The following NUP205 variants were observed in gnomAD, a reference collection of about 807,000 sequenced individuals.
NUP205 encodes the protein nucleoporin 205, also known as nuclear pore complex protein Nup205.
A neutral mutation model predicts 253.8 loss-of-function variants in NUP205; 76 were observed. The ratio of observed to expected loss-of-function variants is 0.30; its 90% CI spans 0.25 to 0.36. The LOEUF (loss-of-function observed/expected upper bound fraction) is 0.36. Among genes scored for constraint, NUP205 ranks in the 10% least tolerant of loss-of-function variants. The probability of loss-of-function intolerance (pLI) is 1.00; values close to 1 mark genes in which losing one functional copy is unlikely to be tolerated. For synonymous variants in NUP205, 832 were observed against 850.1 expected (o/e 0.98, Z 0.37); for missense variants, 2,162 against 2,425.5 (o/e 0.89, Z 2.28).
At chr7:135,602,698 T>G (rs1431752866) in intron 17 of NUP205, 107 bp from the exon 18 acceptor site, 1 of 872,420 alleles carries the variant, frequency 1.1e-6, no homozygotes, top group African/African-American at 1.7e-5. Flanking sequence ...AGTCTGAATC[T>G]CTAGATCTGA....
Position 135,573,724 on chromosome 7 carries a change from A to G in NUP205, c.242A>G (p.Gln81Arg). 6.2e-7 allele frequency: 1 copy of G among 1,613,976 alleles called. No homozygotes were observed. Among genetic ancestry groups the G allele is most frequent in the South Asian group, 1.1e-5 (1 of 91,070 alleles). The change falls in exon 3 of 43, where the codon CAG becomes CGG. Residue 81 changes from glutamine to arginine, a missense_variant. Gln to Arg is a conservative substitution (Grantham distance 43, BLOSUM62 1). Around this residue, in one of 5 missense-constraint regions of NUP205, gnomAD observed 109 missense variants for 131.8 expected, o/e 0.83. Coordinates refer to ENST00000285968, the MANE Select transcript of NUP205 (RefSeq NM_015135.3). The stretch of plus-strand genomic sequence containing the variant: ...GAGGGAGTCGCCATTCAGGGTCAAC[A>G]GGGAACTCGACTTCTTCCTGAACAG... ...STEGVAIQGQ[Q>R]GTRLLPEQLI...
At chr7:135,562,643 G>A (rs1805620548) in intron 1 of NUP205, among the ~76,000 whole-genome samples, 1 of 141,466 alleles carries the variant, frequency 7.1e-6, no homozygotes, top group South Asian at 2.2e-4. Flanking sequence ...TGCCTCCCAA[G>A]TTCAAGCGAT....
rs1192596982 is a variant in NUP205 at position 135,622,808 on chromosome 7, C to G, written c.4362C>G (p.Ala1454=). The change falls in exon 31 of 43, where the codon GCC becomes GCG. Residue 1454 remains alanine, a synonymous_variant. Coordinates refer to ENST00000285968, the MANE Select transcript of NUP205 (RefSeq NM_015135.3). ...AKKTMWERLT[A]PEDVFSKLQR... The stretch of plus-strand genomic sequence containing the variant: ...AAACCATGTGGGAAAGGCTGACAGC[C>G]CCTGAAGATGTATTTAGCAAATTAC... 2 of 1,613,696 alleles carry G rather than the reference C, an allele frequency of 1.2e-6. No homozygotes were observed. Among genetic ancestry groups the G allele is most frequent in the Non-Finnish European group, 1.7e-6 (2 of 1,179,948 alleles).
rs1301387039 is a variant in NUP205 at position 135,591,587 on chromosome 7, T to C, written c.1611T>C (p.Asn537=). The part of the protein sequence containing the change: ...AHYCFSLLKV[N]GSSHVENIQG... ...ACTGTTTCAGCCTGCTCAAAGTCAA[T>C]GGTAGTAGTCATGGTAAGGAATATG... The change falls in exon 11 of 43, where the codon AAT becomes AAC. Residue 537 remains asparagine (N), a synonymous_variant. Transcript: ENST00000285968. 6.2e-7 allele frequency: 1 copy of C among 1,612,518 alleles called. No homozygotes were observed. The highest frequency in any genetic ancestry group is 8.5e-7 in the Non-Finnish European group (1 of 1,179,704).
At chr7:135,611,365 T>A (rs1794232565) in intron 22 of NUP205, among the ~76,000 whole-genome samples, 1 of 152,146 alleles carries the variant, frequency 6.6e-6, no homozygotes, top group African/African-American at 2.4e-5. Context: ...TGTGTTTTCT[T>A]AACTCCCCCA....
At chr7:135,599,397 T>C (rs1793917420) in intron 15 of NUP205, among the ~76,000 whole-genome samples, 1 of 152,172 alleles carries the variant, frequency 6.6e-6, no homozygotes, top group South Asian at 2.1e-4. Flanking sequence ...TGCCAGGTTG[T>C]AAAAATAAAC....
At chr7:135,558,819 C>T (rs536577480) in intron 1 of NUP205, among the ~76,000 whole-genome samples, 3 of 152,258 alleles carry the variant, frequency 2.0e-5, no homozygotes, top group African/African-American at 7.2e-5. Flanking sequence ...CTCTGAAGTT[C>T]GCGGGCAAGA....
At position 135,642,845 on chromosome 7, in the gene NUP205, T is replaced by G. The variant is rs7785267; in HGVS notation, c.5393-347T>G. Among the ~76,000 whole-genome samples the G allele has an allele frequency of 9.8e-3, 462 of 47,146 alleles. 3 individuals carry two copies. The highest frequency in any genetic ancestry group is 0.021 in the African/African-American group (438 of 20,406). The allele number at this position is 47,146 out of a possible 152,430, so 30.9% of individuals were successfully genotyped here. ...GTATATTGTTTTTGATGTGGAGGGG[T>G]GTGTGTGTGTGTGTGTGTGTGTGTG... is the stretch of plus-strand genomic sequence containing the variant. On this transcript the variant is annotated intron_variant, in intron 38 of 42. Transcript: ENST00000285968.
intron 41 of NUP205, 107 bp from the exon 42 acceptor site, chr7:135,646,051 C>T (rs1795002585): frequency 1.5e-5 from 11 of 738,206 alleles, no homozygotes; most frequent in South Asian, 1.3e-4. Flanking sequence ...AATCTTGAGC[C>T]GTGTTTTTCA....
chr7:135,559,894 T>C (rs1021864353), intron 1 of NUP205, among the ~76,000 whole-genome samples: 1 of 151,166 alleles, frequency 6.6e-6, no homozygotes, highest in Admixed American at 6.6e-5. Flanking sequence ...AGTCTCACTC[T>C]GTTGCCCGGG....
At chr7:135,576,241 CA>C in intron 3 of NUP205, 28 bp from the exon 4 acceptor site, 1 of 1,599,062 alleles carries the variant, frequency 6.3e-7, no homozygotes, top group Non-Finnish European at 8.6e-7. Flanking sequence ...TGTTTATTAA[CA>C]ATATTATTTC....
chr7:135,618,290 A>G lies in NUP205; in HGVS notation c.3772-122A>G. The G allele has an allele frequency of 3.9e-6, 3 of 769,084 alleles. No homozygotes were observed. In the Admixed American group the frequency reaches 6.8e-5, roughly 17 times the overall value. The allele number at this position is 769,084 out of a possible 1,614,324, so 47.6% of individuals were successfully genotyped here. A position where few individuals can be genotyped will look rare whatever the true frequency, so the allele number is the denominator to read the frequency against. Reference sequence around the variant, plus strand: ...TAGCCCTGGCTACTGAAATAATATGAAAAGATACCTGCTTCCTGGCATGCA... The same window carrying G: ...TAGCCCTGGCTACTGAAATAATATGGAAAGATACCTGCTTCCTGGCATGCA... On this transcript the variant is annotated intron_variant, in intron 27 of 42. Transcript: ENST00000285968.
At chr7:135,569,737 A>G (rs1487305633) in intron 1 of NUP205, among the ~76,000 whole-genome samples, 1 of 152,062 alleles carries the variant, frequency 6.6e-6, no homozygotes, top group Non-Finnish European at 1.5e-5. Context: ...TATCATGTTT[A>G]TCAATTAAAA....
intron 22 of NUP205, among the ~76,000 whole-genome samples, chr7:135,610,716 C>T (rs1158940348): frequency 6.6e-6 from 1 of 152,154 alleles, no homozygotes; most frequent in African/African-American, 2.4e-5. Context: ...TTGTACTTCA[C>T]CCTGCTTCAG....
intron 18 of NUP205, among the ~76,000 whole-genome samples, chr7:135,603,421 C>T (rs1794007971): frequency 6.6e-6 from 1 of 151,246 alleles, no homozygotes; most frequent in Non-Finnish European, 1.5e-5. Flanking sequence ...CCTTATTTTA[C>T]TGTTGCCTTC....
chr7:135,557,970 C>G lies in NUP205; in HGVS notation c.26C>G (p.Ser9Trp). The part of the protein sequence containing the change: MATPLAVN[S>W]AASLWGPYKD... ...ATGGCGACGCCTTTGGCGGTAAATT[C>G]GGGTAAGTGTGGCCAGACAGAAAGA... is the stretch of plus-strand genomic sequence containing the variant. The change falls in exon 1 of 43, where the codon TCG becomes TGG. Residue 9 changes from serine (S) to tryptophan (W), a missense_variant and splice_region_variant. Around this residue, in one of 5 missense-constraint regions of NUP205, gnomAD observed 109 missense variants for 131.8 expected, o/e 0.83. Coordinates refer to ENST00000285968, the MANE Select transcript of NUP205 (RefSeq NM_015135.3). 6.2e-7 allele frequency: 1 copy of G among 1,613,250 alleles called. No individual in the cohort carries two copies. Among genetic ancestry groups the G allele is most frequent in the Non-Finnish European group, 8.5e-7 (1 of 1,179,184 alleles).
intron 23 of NUP205, 111 bp from the exon 24 acceptor site, chr7:135,615,805 A>G (rs1349267123): frequency 6.8e-6 from 4 of 589,856 alleles, no homozygotes; most frequent in Non-Finnish European, 1.1e-5. Flanking sequence ...TGAGTTTCAT[A>G]AATTATTGAC....
At chr7:135,575,739 G>A (rs1806133212) in intron 3 of NUP205, among the ~76,000 whole-genome samples, 1 of 152,098 alleles carries the variant, frequency 6.6e-6, no homozygotes. Flanking sequence ...AGGTTGCAGT[G>A]AGATCACGCC....
At chr7:135,606,066 T>G in intron 19 of NUP205, 79 bp from the exon 20 acceptor site, 1 of 947,104 alleles carries the variant, frequency 1.1e-6, no homozygotes, top group Admixed American at 1.9e-5. Context: ...GGATGAATAT[T>G]TACATATATC....
Sources: allele counts gnomAD v4.1 joint callset (sites outside exome capture counted in the v4.1 genomes callset), GRCh38; gene constraint gnomAD v4.1.1; regional missense constraint gnomAD v4.1.1; transcripts MANE v1.5; gene names NCBI Gene and HGNC (gene_info 2026-07-23, HGNC 2026-07-21).